Variants in RSPH6A observed in about 807,000 individuals in gnomAD.
RSPH6A encodes the protein radial spoke head protein 6 homolog A.
A neutral mutation model predicts 66.1 loss-of-function variants in RSPH6A; 49 were observed. That is an observed-to-expected ratio of 0.74 (90% CI 0.59 to 0.94). The LOEUF is 0.94. Among genes scored for constraint, RSPH6A ranks in the 40% least tolerant of loss-of-function variants. RSPH6A has a pLI of 0.00. For missense variants in RSPH6A, 977 were observed against 948.3 expected, an observed-to-expected ratio of 1.03 and a Z score of -0.40; for synonymous variants, 419 against 402.4, an observed-to-expected ratio of 1.04 and a Z score of -0.49.
chr19:45,814,553 C>A lies in RSPH6A; in HGVS notation c.624G>T (p.Gln208His). ...GGCTGAGGTCGCAATTGATGCTGGT[C>A]TGCAGCAGGTAGGCCTTGGCGTTCT... ...AVQNAKAYLL[Q>H]TSINCDLSLY... is the part of the protein sequence containing the mutation. Residue 208 changes from glutamine to histidine, a missense_variant, in exon 1 of 6, where the codon CAG becomes CAT. Transcript: ENST00000221538. 6.6e-7 allele frequency: 1 copy of A among 1,517,190 alleles called. No individual in the cohort carries two copies. The highest frequency in any genetic ancestry group is 1.3e-5 in the South Asian group (1 of 75,844). 94.0% of individuals were successfully genotyped at this position (1,517,190 alleles called of 1,614,324 possible).
chr19:45,804,144 G>A lies in RSPH6A; in HGVS notation c.1653+108C>T. 1.2e-6 allele frequency: 1 copy of A among 830,128 alleles called. No homozygotes were observed. The highest frequency in any genetic ancestry group is 1.8e-5 in the South Asian group (1 of 56,454). The allele number at this position is 830,128 out of a possible 1,614,324, so 51.4% of individuals were successfully genotyped here. A position where few individuals can be genotyped will look rare whatever the true frequency, so the allele number is the denominator to read the frequency against. ...TGAATGGATGGATGAATGAACGAAT[G>A]AATATTAGTTGCCCAGCAGAGAGTA... On this transcript the variant is annotated intron_variant, in intron 3 of 5. Coordinates refer to ENST00000221538, the MANE Select transcript of RSPH6A (RefSeq NM_030785.4). This position sits in a 1 kb window ranked among gnomAD's most constrained non-coding sequence, Gnocchi z 5.8.
chr19:45,795,889 C>CCTCCTCCTCCTCCTCGCT lies in RSPH6A; in HGVS notation c.2133_2134insAGCGAGGAGGAGGAGGAG (p.Glu711_Gly712insSerGluGluGluGluGlu), dbSNP rs777414079. On this transcript the variant is annotated inframe_insertion, in exon 6 of 6. Transcript: ENST00000221538. ...GGGCCTCAGTCATCTGTCTCCTCGCCCTCCTCCTCCTCCTCGCCCTCCTCC... is the reference window on the plus strand; with the variant it reads ...GGGCCTCAGTCATCTGTCTCCTCGCCCTCCTCCTCCTCCTCGCTCTCCTCCTCCTCCTCGCCCTCCTCC... 2.1e-5 allele frequency: 28 copies of CCTCCTCCTCCTCCTCGCT among 1,348,216 alleles called. No homozygotes were observed. In the East Asian group the frequency reaches 6.5e-4, roughly 31 times the overall value. The allele number at this position is 1,348,216 out of a possible 1,614,324, so 83.5% of individuals were successfully genotyped here.
chr19:45,808,585 T>TC (rs1233126682), intron 2 of RSPH6A, among the ~76,000 whole-genome samples: 1 of 149,748 alleles, frequency 6.7e-6, no homozygotes, highest in African/African-American at 2.5e-5. Context: ...AGAATGAGAC[T>TC]CCATCTCAAA....
chr19:45,799,116 T>A (rs7252126), intron 5 of RSPH6A, among the ~76,000 whole-genome samples: 48,656 of 152,096 alleles, frequency 0.32, 7,972 homozygotes, highest in Non-Finnish European at 0.36. Flanking sequence ...TTACATGCAA[T>A]CCCACCACGG....
rs780531299 is a variant in RSPH6A at position 45,804,954 on chromosome 19, G to A, written c.951C>T (p.Gly317=). Residue 317 remains glycine (G), a synonymous_variant, in exon 3 of 6, where the codon GGC becomes GGT. Transcript: ENST00000221538. The surrounding 1 kb of genome is among the most constrained non-coding windows in gnomAD (Gnocchi z 5.8). ...TGCGGAAGCTCTCGTCCGAGCTCAG[G>A]CCGACGCCGGCCTGCTCGAAGTAGA... ...TAFYFEQAGV[G]LSSDESFRIF... The A allele has an allele frequency of 1.2e-6, 2 of 1,614,116 alleles. No individual in the cohort carries two copies. Among genetic ancestry groups the A allele is most frequent in the Non-Finnish European group, 1.7e-6 (2 of 1,180,036 alleles).
chr19:45,803,348 C>G (rs898174019), intron 3 of RSPH6A, among the ~76,000 whole-genome samples: 2 of 151,714 alleles, frequency 1.3e-5, no homozygotes, highest in Admixed American at 1.3e-4. Flanking sequence ...TCACTGCACG[C>G]CAGCCTGGGC....
Position 45,795,840 on chromosome 19 carries a change from G to C in RSPH6A, c.*29C>G. 2 of 1,576,008 alleles carry C rather than the reference G, an allele frequency of 1.3e-6. No homozygotes were observed. Among genetic ancestry groups the C allele is most frequent in the South Asian group, 2.3e-5 (2 of 87,540 alleles). On this transcript the variant is annotated 3_prime_UTR_variant, in exon 6 of 6. Coordinates refer to ENST00000221538, the MANE Select transcript of RSPH6A (RefSeq NM_030785.4). Reference sequence around the variant, plus strand: ...CTAAGGGGAAATTTGCTATCTACCTGCTTGGGGAAAGTGGCTAGAGGGTGG... The same window carrying C: ...CTAAGGGGAAATTTGCTATCTACCTCCTTGGGGAAAGTGGCTAGAGGGTGG...
Position 45,814,923 on chromosome 19 carries a change from A to C in RSPH6A, c.254T>G (p.Met85Arg), listed in dbSNP as rs200874202. The C allele has an allele frequency of 8.5e-5, 138 of 1,614,100 alleles. No individual in the cohort carries two copies. In the Admixed American group the frequency reaches 2.1e-3, roughly 25 times the overall value. The stretch of plus-strand genomic sequence containing the variant: ...GCCCGTGTTCACAGATGGGTACTCC[A>C]TGCCACCCAGCCGGGCTTCCTCAGC... The part of the protein sequence containing the change: ...FQAEEARLGG[M>R]EYPSVNTGFP... Residue 85 changes from methionine (M) to arginine (R), a missense_variant, in exon 1 of 6, where the codon ATG becomes AGG. Met to Arg is a moderately conservative substitution (Grantham distance 91, BLOSUM62 -1). Coordinates refer to ENST00000221538, the MANE Select transcript of RSPH6A (RefSeq NM_030785.4).
chr19:45,813,054 T>C (rs1365410226), intron 1 of RSPH6A, among the ~76,000 whole-genome samples: 1 of 152,032 alleles, frequency 6.6e-6, no homozygotes, highest in Non-Finnish European at 1.5e-5. Context: ...CTGTGGGCAA[T>C]GGGGAGCCAT....
chr19:45,806,916 A>G (rs1279943382), intron 2 of RSPH6A, among the ~76,000 whole-genome samples: 5 of 151,584 alleles, frequency 3.3e-5, no homozygotes, highest in Admixed American at 6.6e-5. Flanking sequence ...TATTTTTGAG[A>G]CAGAGTCTTG....
intron 2 of RSPH6A, among the ~76,000 whole-genome samples, chr19:45,810,273 C>G (rs1326399480): frequency 1.3e-5 from 2 of 152,000 alleles, no homozygotes; most frequent in Admixed American, 1.3e-4. Context: ...TGGGTTCATG[C>G]CATTCTCCTG....
rs1265278746 is a variant in RSPH6A, at chr19:45,804,376, T to A, written c.1529A>T (p.Glu510Val). The A allele has an allele frequency of 1.1e-5, 18 of 1,614,078 alleles. No individual in the cohort carries two copies. The highest frequency in any genetic ancestry group is 1.5e-5 in the Non-Finnish European group (18 of 1,180,032). Residue 510 changes from glutamate to valine, a missense_variant, in exon 3 of 6, where the codon GAG becomes GTG. Coordinates refer to ENST00000221538, the MANE Select transcript of RSPH6A (RefSeq NM_030785.4). This position sits in a 1 kb window ranked among gnomAD's most constrained non-coding sequence, Gnocchi z 5.8. ...GTCGCGCCCAGCACCACCTTCCTCC[T>A]CCTCGTCGCCCTCCTCCTCACTAAA... ...YQFSEEEGDE[E>V]EEGGAGRDSY...
rs58407168 is a variant in RSPH6A at position 45,800,797 on chromosome 19, CT to C, written c.1799-235del. 1.2e-3 allele frequency among the ~76,000 whole-genome samples: 161 copies of C among 138,306 alleles called. 2 individuals are homozygous for C. The highest frequency in any genetic ancestry group is 3.6e-3 in the Middle Eastern group (1 of 278). 90.7% of individuals were successfully genotyped at this position (138,306 alleles called of 152,430 possible). A position where few individuals can be genotyped will look rare whatever the true frequency, so the allele number is the denominator to read the frequency against. ...ACACTCTCTCTCTCTCTCTCGCTCT[CT>C]TTTTTTTTTTTTTGGAGACAGAGTC... On this transcript the variant is annotated intron_variant, in intron 4 of 5. Transcript: ENST00000221538.
intron 3 of RSPH6A, among the ~76,000 whole-genome samples, 182 bp from the exon 4 acceptor site, chr19:45,802,446 T>C (rs1970485501): frequency 6.6e-6 from 1 of 151,862 alleles, no homozygotes; most frequent in Non-Finnish European, 1.5e-5. Context: ...AACTGCTGTG[T>C]TGAGGTGAGG....
chr19:45,804,678 C>A lies in RSPH6A; in HGVS notation c.1227G>T (p.Lys409Asn). ...CCTCCTTGGGGATCACGGGCGGCGG[C>A]TTCCATACGGACTTAGGGACGATGT... ...AVDIVPKSVWKPPPVIPKEES... is the reference protein window; with the variant it reads ...AVDIVPKSVWNPPPVIPKEES... Residue 409 changes from lysine to asparagine, a missense_variant, in exon 3 of 6, where the codon AAG becomes AAT. Transcript: ENST00000221538. This position sits in a 1 kb window ranked among gnomAD's most constrained non-coding sequence, Gnocchi z 5.8. 1 of 1,614,100 alleles carries A rather than the reference C, an allele frequency of 6.2e-7. No individual in the cohort carries two copies. Among genetic ancestry groups the A allele is most frequent in the Non-Finnish European group, 8.5e-7 (1 of 1,180,024 alleles).
In RSPH6A at chr19:45,802,110, G is replaced by C. The variant is rs1202546892; in HGVS notation, c.1798+10C>G. The C allele has an allele frequency of 1.3e-6, 2 of 1,504,646 alleles. No homozygotes were observed. The highest frequency in any genetic ancestry group is 1.8e-5 in the Admixed American group (1 of 54,128). The allele number at this position is 1,504,646 out of a possible 1,614,324, so 93.2% of individuals were successfully genotyped here. ...AGCCAGTGGTGTACAGGCTGAGAGG[G>C]CTTCCTTACCTGCATCTTCTGAAAG... On this transcript the variant is annotated intron_variant, in intron 4 of 5. Transcript: ENST00000221538.
intron 3 of RSPH6A, among the ~76,000 whole-genome samples, chr19:45,803,279 C>T (rs1394873687): frequency 6.7e-6 from 1 of 149,934 alleles, no homozygotes; most frequent in African/African-American, 2.5e-5. Flanking sequence ...ACTCGGGAGG[C>T]TAAGGTGGGA....
At position 45,795,982 on chromosome 19, in the gene RSPH6A, G is replaced by A. The variant is rs773359095; in HGVS notation, c.2041C>T (p.Pro681Ser). ...SGPEIMEMSD[P>S]TVEEEQALKA... ...AGAGCCTGCTCCTCTTCCACTGTGG[G>A]GTCACTCATCTCCATGATCTCTGGG... The change falls in exon 6 of 6, where the codon CCC (proline) becomes TCC (serine). Residue 681 changes from proline to serine, a missense_variant. Transcript: ENST00000221538. The A allele has an allele frequency of 6.2e-7, 1 of 1,613,668 alleles. No individual in the cohort carries two copies. Among genetic ancestry groups the A allele is most frequent in the Non-Finnish European group, 8.5e-7 (1 of 1,179,962 alleles).
chr19:45,798,313 C>T (rs180995955), intron 5 of RSPH6A, among the ~76,000 whole-genome samples: 57 of 151,548 alleles, frequency 3.8e-4, no homozygotes, highest in Admixed American at 2.5e-3. Flanking sequence ...GAGTTGAGAT[C>T]GCACCACTAA....
Sources: allele counts gnomAD v4.1 joint callset (sites outside exome capture counted in the v4.1 genomes callset), GRCh38; gene constraint gnomAD v4.1.1; non-coding constraint Gnocchi (gnomAD v3.1); transcripts MANE v1.5; gene names NCBI Gene and HGNC (gene_info 2026-07-23, HGNC 2026-07-21).